Variants in CFAP77 observed in about 807,000 individuals in gnomAD.
The protein encoded by CFAP77 is cilia- and flagella-associated protein 77.
CFAP77 carries 25 observed loss-of-function variants against 31.1 expected under a neutral mutation model. That is an observed-to-expected ratio of 0.80 (90% CI 0.59 to 1.12). The LOEUF (loss-of-function observed/expected upper bound fraction) is 1.12. Among genes scored for constraint, CFAP77 ranks in the 50% most tolerant of loss-of-function variants. The probability of loss-of-function intolerance (pLI) is 0.00; values close to 1 mark genes in which losing one functional copy is unlikely to be tolerated. For synonymous variants in CFAP77, 151 were observed against 159.9 expected (o/e 0.94, Z 0.42); for missense variants, 377 against 397.3 (o/e 0.95, Z 0.44).
rs372184401 is a variant in CFAP77, at chr9:132,466,986, C to T, written c.196-31709C>T. The stretch of plus-strand genomic sequence containing the variant: ...TGAGGTCAGGAGTTTGAGACCAGCC[C>T]GGACAACATGGTGAAACCCTGTCTC... On this transcript the variant is annotated intron_variant, in intron 1 of 5. Coordinates refer to ENST00000393216, the MANE Select transcript of CFAP77 (RefSeq NM_001282957.2). 5.3e-5 allele frequency among the ~76,000 whole-genome samples: 8 copies of T among 152,072 alleles called. No individual in the cohort carries two copies. The South Asian group carries it at 6.3e-4, about 12-fold the overall frequency.
At chr9:132,500,152 C>CAA (rs563485823) in intron 3 of CFAP77, among the ~76,000 whole-genome samples, 24 of 84,848 alleles carry the variant, frequency 2.8e-4, no homozygotes, top group South Asian at 2.4e-3. Flanking sequence ...ACCCTGTCTC[C>CAA]AAAAAAAAAA....
intron 1 of CFAP77, among the ~76,000 whole-genome samples, chr9:132,489,426 C>T (rs1002814619): frequency 2.0e-5 from 3 of 152,088 alleles, no homozygotes; most frequent in African/African-American, 7.2e-5. Flanking sequence ...CCCAGCTTTT[C>T]TATTGACTAC....
chr9:132,447,615 C>T (rs533207397), intron 1 of CFAP77, among the ~76,000 whole-genome samples: 1 of 152,320 alleles, frequency 6.6e-6, no homozygotes, highest in South Asian at 2.1e-4. Context: ...ATCAGCACGT[C>T]GGTTACACAC....
At chr9:132,518,077 T>G (rs1852180289) in intron 3 of CFAP77, among the ~76,000 whole-genome samples, 1 of 152,152 alleles carries the variant, frequency 6.6e-6, no homozygotes. Flanking sequence ...GTCGAAGCTC[T>G]TAGCAGGGGC....
intron 1 of CFAP77, among the ~76,000 whole-genome samples, chr9:132,485,768 A>G (rs2118917668): frequency 6.6e-6 from 1 of 151,544 alleles, no homozygotes; most frequent in South Asian, 2.1e-4. Context: ...AAAACAGCCT[A>G]TTGTCCCCAT....
In CFAP77 at chr9:132,499,908, T is replaced by G. The variant is rs1589889238; in HGVS notation, c.524+308T>G. On this transcript the variant is annotated intron_variant, in intron 3 of 5. Coordinates refer to ENST00000393216, the MANE Select transcript of CFAP77 (RefSeq NM_001282957.2). The surrounding 1 kb of genome is among the most constrained non-coding windows in gnomAD (Gnocchi z 5.4). ...ACTCATCTCTGTAATCCTAGCACTT[T>G]GGGAGGCCCATGTAGGAGGATCGCT... Among the ~76,000 whole-genome samples the G allele has an allele frequency of 2.0e-5, 3 of 152,252 alleles. No individual in the cohort carries two copies. Among genetic ancestry groups the G allele is most frequent in the Admixed American group, 2.0e-4 (3 of 15,300 alleles).
intron 1 of CFAP77, among the ~76,000 whole-genome samples, chr9:132,494,460 G>A (rs909003033): frequency 6.6e-6 from 1 of 152,190 alleles, no homozygotes; most frequent in African/African-American, 2.4e-5. Flanking sequence ...TCTGTGTTAT[G>A]AATATGTCAC....
intron 5 of CFAP77, among the ~76,000 whole-genome samples, chr9:132,568,326 G>A (rs898384048): frequency 2.0e-5 from 3 of 152,148 alleles, no homozygotes; most frequent in Non-Finnish European, 4.4e-5. Flanking sequence ...AGGCCGAGGC[G>A]GGTGGATCAC....
intron 1 of CFAP77, among the ~76,000 whole-genome samples, chr9:132,494,847 G>T (rs1344235354): frequency 1.3e-5 from 2 of 152,166 alleles, no homozygotes; most frequent in Non-Finnish European, 2.9e-5. Context: ...CAAGTATTTT[G>T]CTCATTTTTT....
chr9:132,448,036 A>T (rs1447151698), intron 1 of CFAP77, among the ~76,000 whole-genome samples: 2 of 152,154 alleles, frequency 1.3e-5, no homozygotes, highest in African/African-American at 4.8e-5. Flanking sequence ...TAATTAGATG[A>T]CAACTTGGAG....
intron 3 of CFAP77, among the ~76,000 whole-genome samples, chr9:132,529,872 A>G (rs1438649581): frequency 1.3e-5 from 2 of 151,770 alleles, no homozygotes; most frequent in Non-Finnish European, 2.9e-5. Context: ...ACTGCCAAAC[A>G]GTTTTCCGGA....
chr9:132,516,761 G>A (rs1455873719), intron 3 of CFAP77, among the ~76,000 whole-genome samples: 1 of 151,994 alleles, frequency 6.6e-6, no homozygotes, highest in Non-Finnish European at 1.5e-5. Context: ...GCATCATTTC[G>A]TACAAACTGC....
chr9:132,428,662 A>G (rs1850355140), intron 1 of CFAP77, among the ~76,000 whole-genome samples: 1 of 151,932 alleles, frequency 6.6e-6, no homozygotes, highest in African/African-American at 2.4e-5. Flanking sequence ...GGAAAAACAC[A>G]CCTCGATTAC....
intron 1 of CFAP77, among the ~76,000 whole-genome samples, chr9:132,476,596 C>G (rs1433429210): frequency 6.6e-6 from 1 of 152,082 alleles, no homozygotes; most frequent in Non-Finnish European, 1.5e-5. Context: ...CAAGTTAAGG[C>G]TCTCAAGATG....
At position 132,537,656 on chromosome 9, in the gene CFAP77, C is replaced by G. The variant is rs1852569977; in HGVS notation, c.580C>G (p.Gln194Glu). 6 of 1,613,388 alleles carry G rather than the reference C, an allele frequency of 3.7e-6. No homozygotes were observed. The highest frequency in any genetic ancestry group is 5.1e-6 in the Non-Finnish European group (6 of 1,179,654). Residue 194 changes from glutamine (Q) to glutamate (E), a missense_variant, in exon 4 of 6, where the codon CAG (glutamine) becomes GAG (glutamate). By Grantham distance (29) the Gln-to-Glu change is conservative. Transcript: ENST00000393216. The part of the protein sequence containing the change: ...LQHRYLQLWV[Q>E]EQKATQKAIK... ...GCACCGGTACCTGCAGCTGTGGGTACAGGAACAAAAGGCCACCCAGAAAGC... is the reference window on the plus strand; with the variant it reads ...GCACCGGTACCTGCAGCTGTGGGTAGAGGAACAAAAGGCCACCCAGAAAGC...
rs550940675 is a variant in CFAP77, at chr9:132,476,899, C to A, written c.196-21796C>A. On this transcript the variant is annotated intron_variant, in intron 1 of 5. Transcript: ENST00000393216. ...TTCCGGAGCGGTGAGATTTCTGCTG[C>A]CTTCAGCCACCAAGGTGGTGGCGAT... 3.4e-3 allele frequency among the ~76,000 whole-genome samples: 515 copies of A among 152,260 alleles called. 3 individuals are homozygous for A. The highest frequency in any genetic ancestry group is 0.011 in the African/African-American group (473 of 41,548).
At chr9:132,466,068 T>A (rs999848152) in intron 1 of CFAP77, among the ~76,000 whole-genome samples, 11 of 152,132 alleles carry the variant, frequency 7.2e-5, no homozygotes, top group Non-Finnish European at 1.6e-4. Flanking sequence ...CTGCAGAATG[T>A]CTAGGGGTGG....
intron 5 of CFAP77, among the ~76,000 whole-genome samples, chr9:132,544,142 G>A (rs1852693483): frequency 7.1e-6 from 1 of 140,714 alleles, no homozygotes. Flanking sequence ...AGCTTCACCG[G>A]AGAAACCTGC....
At chr9:132,451,966 G>A (rs531681752) in intron 1 of CFAP77, among the ~76,000 whole-genome samples, 5 of 151,856 alleles carry the variant, frequency 3.3e-5, no homozygotes, top group Admixed American at 6.6e-5. Context: ...CACTATGCCC[G>A]ACTAATTTTT....
Sources: allele counts gnomAD v4.1 joint callset (sites outside exome capture counted in the v4.1 genomes callset), GRCh38; gene constraint gnomAD v4.1.1; non-coding constraint Gnocchi (gnomAD v3.1); transcripts MANE v1.5; gene names NCBI Gene and HGNC (gene_info 2026-07-23, HGNC 2026-07-21).